OSBPL9: variants seen among roughly 807,000 people sequenced by gnomAD.
The protein encoded by OSBPL9 is oxysterol binding protein like 9.
In OSBPL9, 40 loss-of-function variants were observed where a neutral mutation model predicts 106.6. The observed-to-expected ratio is 0.38, with a 90% CI of 0.29 to 0.49. The LOEUF (loss-of-function observed/expected upper bound fraction) is 0.49. Among genes scored for constraint, OSBPL9 ranks in the 20% least tolerant of loss-of-function variants. The probability of loss-of-function intolerance (pLI) is 0.97; values close to 1 mark genes in which losing one functional copy is unlikely to be tolerated. For missense variants in OSBPL9, 609 were observed against 887.2 expected (o/e 0.69, Z 3.98); for synonymous variants, 269 against 295.4 (o/e 0.91, Z 0.92).
chr1:51,640,015 A>G (rs1030410958), intron 1 of OSBPL9, among the ~76,000 whole-genome samples: 2 of 151,568 alleles, frequency 1.3e-5, no homozygotes, highest in Non-Finnish European at 2.9e-5. Context: ...TAATTTTAGT[A>G]AAGAGGAAGT....
intron 1 of OSBPL9, among the ~76,000 whole-genome samples, chr1:51,587,174 T>C (rs1645251422): frequency 1.3e-5 from 2 of 152,178 alleles, no homozygotes; most frequent in African/African-American, 4.8e-5. Flanking sequence ...GAGACTGGCC[T>C]GGCCAACATG....
the OSBPL9 span, among the ~76,000 whole-genome samples, chr1:51,559,861 TAA>T: frequency 0.011 from 1,611 of 149,250 alleles, 21 homozygotes; most frequent in African/African-American, 0.038. Flanking sequence ...GAGACAACTG[TAA>T]AAAAAAAATA....
intron 4 of OSBPL9, among the ~76,000 whole-genome samples, chr1:51,743,742 G>C (rs551158958): frequency 2.6e-5 from 4 of 152,188 alleles, no homozygotes; most frequent in South Asian, 2.1e-4. Context: ...AAACAGTCCT[G>C]ATTTTTCTGT....
At chr1:51,660,174 A>G (rs1430187349) in intron 2 of OSBPL9, among the ~76,000 whole-genome samples, 3 of 152,180 alleles carry the variant, frequency 2.0e-5, no homozygotes, top group African/African-American at 7.2e-5. Flanking sequence ...ATACACAAAA[A>G]CAAATTTCAG....
At chr1:51,678,188 A>C (rs1195770132) in intron 3 of OSBPL9, among the ~76,000 whole-genome samples, 1 of 152,074 alleles carries the variant, frequency 6.6e-6, no homozygotes, top group African/African-American at 2.4e-5. Flanking sequence ...GCCTCAAAAA[A>C]ATAAAAATAC....
At chr1:51,674,789 A>G (rs535417477) in intron 3 of OSBPL9, among the ~76,000 whole-genome samples, 1 of 152,330 alleles carries the variant, frequency 6.6e-6, no homozygotes, top group African/African-American at 2.4e-5. Context: ...CTCAGTATTG[A>G]GTCCAGTAAC....
intron 3 of OSBPL9, among the ~76,000 whole-genome samples, chr1:51,685,099 T>C (rs745752551): frequency 7.9e-5 from 12 of 152,136 alleles, no homozygotes; most frequent in Non-Finnish European, 1.3e-4. Flanking sequence ...TCCCTTCTTT[T>C]CATACATTCA....
intron 3 of OSBPL9, among the ~76,000 whole-genome samples, chr1:51,694,588 A>C (rs1438329718): frequency 6.6e-6 from 1 of 152,238 alleles, no homozygotes; most frequent in Non-Finnish European, 1.5e-5. Flanking sequence ...TATTACATTA[A>C]AATCCATTGG....
intron 1 of OSBPL9, among the ~76,000 whole-genome samples, chr1:51,597,772 G>A (rs866473943): frequency 6.6e-6 from 1 of 152,156 alleles, no homozygotes; most frequent in Admixed American, 6.6e-5. Context: ...AGAATTCTAG[G>A]TTGTTTGCCC....
rs146068950 is a variant in OSBPL9 at position 51,709,407 on chromosome 1, G to A, written c.242-4596G>A. ...TGCACAGTTCTGGAGATATTTTGCA[G>A]GCAACCTGGCTTCCTGAGGGGCGGC... is the stretch of plus-strand genomic sequence containing the variant. On this transcript the variant is annotated intron_variant, in intron 3 of 23. Transcript: ENST00000428468. The A allele has an allele frequency of 2.0e-3, 375 of 192,186 alleles. 1 individual carries two copies. The highest frequency in any genetic ancestry group is 8.3e-3 in the African/African-American group (357 of 43,264). The allele number at this position is 192,186 out of a possible 1,614,324, so 11.9% of individuals were successfully genotyped here. A position where few individuals can be genotyped will look rare whatever the true frequency, so the allele number is the denominator to read the frequency against.
upstream of OSBPL9, among the ~76,000 whole-genome samples, chr1:51,615,025 C>T (rs183060576): frequency 1.4e-3 from 206 of 152,250 alleles, no homozygotes; most frequent in African/African-American, 3.8e-3. Flanking sequence ...TTTGGGAGGC[C>T]GAAGTGGGTG....
At chr1:51,767,863 C>T (rs569252259) in intron 12 of OSBPL9, among the ~76,000 whole-genome samples, 6 of 144,850 alleles carry the variant, frequency 4.1e-5, no homozygotes, top group Admixed American at 1.4e-4. Context: ...GAAGAAAATT[C>T]GAAAATGAAA....
chr1:51,590,316 G>A (rs1395455751), intron 1 of OSBPL9, among the ~76,000 whole-genome samples: 1 of 151,014 alleles, frequency 6.6e-6, no homozygotes, highest in East Asian at 1.9e-4. Context: ...TAGCAATACA[G>A]GAGGTAAAAA....
intron 8 of OSBPL9, among the ~76,000 whole-genome samples, chr1:51,751,791 G>A (rs1043338358): frequency 6.6e-6 from 1 of 152,164 alleles, no homozygotes; most frequent in African/African-American, 2.4e-5. Flanking sequence ...GGTCAGCCTA[G>A]CCTATTTCAG....
intron 3 of OSBPL9, among the ~76,000 whole-genome samples, chr1:51,711,708 G>A (rs1362737154): frequency 6.7e-6 from 1 of 148,388 alleles, no homozygotes; most frequent in East Asian, 2.1e-4. Flanking sequence ...GGGCGGCCGG[G>A]CAGAGATGCT....
intron 4 of OSBPL9, among the ~76,000 whole-genome samples, chr1:51,720,397 C>G (rs1211499396): frequency 6.7e-6 from 1 of 149,932 alleles, no homozygotes; most frequent in Non-Finnish European, 1.5e-5. Context: ...GTGATCTCGG[C>G]TTACTGCAAC....
At chr1:51,611,683 C>G (rs1643988906) in intron 2 of OSBPL9, among the ~76,000 whole-genome samples, 1 of 152,092 alleles carries the variant, frequency 6.6e-6, no homozygotes, top group South Asian at 2.1e-4. Context: ...TTTTTAAAAA[C>G]AAAACAGGCC....
intron 3 of OSBPL9, 175 bp downstream of exon 3, chr1:51,669,687 A>G: frequency 3.7e-6 from 2 of 542,968 alleles, no homozygotes; most frequent in South Asian, 1.5e-5. Flanking sequence ...TGTATCTGCA[A>G]TGGATGTAGA....
chr1:51,785,610 T>TGGTGGGACG, intron 20 of OSBPL9, 198 bp from the exon 21 acceptor site: 1 of 552,938 alleles, frequency 1.8e-6, no homozygotes, highest in South Asian at 2.2e-5. Flanking sequence ...ATTCTTGGGA[T>TGGTGGGACG]CTCAAGTTCA....
Sources: gnomAD v4.1 joint callset for allele counts (sites outside exome capture counted in the v4.1 genomes callset) on GRCh38, gnomAD v4.1.1 for gene constraint, MANE v1.5 for transcripts, NCBI Gene and HGNC (gene_info 2026-07-23, HGNC 2026-07-21) for gene names.